The following SOCS7 variants were observed in gnomAD, a reference collection of about 807,000 sequenced individuals.
The protein encoded by SOCS7 is NAP-4.
Under a neutral mutation model 58.9 loss-of-function variants are expected in SOCS7, and 18 were observed. The ratio of observed to expected loss-of-function variants is 0.31; its 90% CI spans 0.21 to 0.45. SOCS7 has a LOEUF of 0.45. Ranked by LOEUF, SOCS7 falls within the 20% of genes least tolerant of loss-of-function variation. SOCS7 has a pLI of 1.00. For missense variants in SOCS7, 667 were observed against 837.3 expected, an observed-to-expected ratio of 0.80 and a Z score of 2.51; for synonymous variants, 388 against 364.3, an observed-to-expected ratio of 1.06 and a Z score of -0.74.
In SOCS7 at chr17:38,396,639, C is replaced by T. The variant is rs2038248608; in HGVS notation, c.*30+641C>T. Reference sequence around the variant, plus strand: ...TTACACAGTTCTACCCATTTATTTTCCCATAAAACATCTTGCAATACTGGT... The same window carrying T: ...TTACACAGTTCTACCCATTTATTTTTCCATAAAACATCTTGCAATACTGGT... On this transcript the variant is annotated intron_variant, in intron 9 of 9. Transcript: ENST00000612932. Among the ~76,000 whole-genome samples the T allele has an allele frequency of 1.3e-5, 2 of 152,186 alleles. 1 individual carries two copies. Among genetic ancestry groups the T allele is most frequent in the South Asian group, 4.1e-4 (2 of 4,834 alleles).
At position 38,366,344 on chromosome 17, in the gene SOCS7, C is replaced by T. The variant is rs373112910; in HGVS notation, c.1310C>T (p.Pro437Leu). ...RAAESLHSQP[P>L]QHLQCPLYRP... The stretch of plus-strand genomic sequence containing the variant: ...GCTGAATCCCTGCACAGCCAACCCC[C>T]ACAGCACCTCCAGTGTCCCCTCTAC... Residue 437 changes from proline (P) to leucine (L), a missense_variant, in exon 5 of 10, where the codon CCA (proline) becomes CTA (leucine). This residue lies in a region of SOCS7 where 99 missense variants were observed against 122.9 expected (regional missense o/e 0.81). Transcript: ENST00000612932. 1.2e-6 allele frequency: 2 copies of T among 1,614,214 alleles called. No homozygotes were observed. The highest frequency in any genetic ancestry group is 1.1e-5 in the South Asian group (1 of 91,088).
At chr17:38,356,530 A>G (rs2037640508) in intron 1 of SOCS7, among the ~76,000 whole-genome samples, 1 of 151,528 alleles carries the variant, frequency 6.6e-6, no homozygotes, top group Non-Finnish European at 1.5e-5. Context: ...ACGCCTGGCT[A>G]ATTTTTTGTA....
intron 7 of SOCS7, among the ~76,000 whole-genome samples, chr17:38,381,970 A>G (rs1390321493): frequency 2.0e-5 from 3 of 149,514 alleles, no homozygotes; most frequent in African/African-American, 5.0e-5. Context: ...AAAAAAAAAA[A>G]AAAACCTAAA....
chr17:38,382,786 G>A (rs113434585), intron 7 of SOCS7, among the ~76,000 whole-genome samples: 3,283 of 151,978 alleles, frequency 0.022, 125 homozygotes, highest in African/African-American at 0.075. Flanking sequence ...CACGCTTGGC[G>A]GAATTGGACA....
intron 6 of SOCS7, among the ~76,000 whole-genome samples, chr17:38,370,649 G>A (rs1033277257): frequency 2.0e-5 from 3 of 151,086 alleles, no homozygotes; most frequent in South Asian, 4.2e-4. Context: ...CCTATAACCG[G>A]AATTTTTTTT....
At chr17:38,374,309 G>A (rs113626822) in intron 6 of SOCS7, among the ~76,000 whole-genome samples, 1 of 152,072 alleles carries the variant, frequency 6.6e-6, no homozygotes, top group African/African-American at 2.4e-5. Flanking sequence ...AGGCCAAGGC[G>A]GGCAGATCAC....
chr17:38,364,861 A>G lies in SOCS7; in HGVS notation c.1150+5A>G, dbSNP rs1167497913. On this transcript the variant is annotated splice_donor_5th_base_variant and intron_variant, in intron 3 of 9. Transcript: ENST00000612932. The stretch of plus-strand genomic sequence containing the variant: ...GAAGAAGCCTCAGCCTCCTAGGTAT[A>G]GTTTCTTCCCCTCTCCACCTTCTTG... 1.2e-6 allele frequency: 2 copies of G among 1,607,236 alleles called. No individual in the cohort carries two copies. The highest frequency in any genetic ancestry group is 8.5e-7 in the Non-Finnish European group (1 of 1,174,558).
At chr17:38,398,686 C>CA (rs1202368590) in intron 9 of SOCS7, among the ~76,000 whole-genome samples, 1 of 152,158 alleles carries the variant, frequency 6.6e-6, no homozygotes, top group Admixed American at 6.5e-5. Flanking sequence ...GGTTTGGAGT[C>CA]AGACTATAGA....
At chr17:38,373,245 G>A (rs2037890705) in intron 6 of SOCS7, among the ~76,000 whole-genome samples, 5 of 152,312 alleles carry the variant, frequency 3.3e-5, no homozygotes, top group African/African-American at 1.2e-4. Context: ...GGCAATGGAT[G>A]GTTTGATAAT....
At chr17:38,364,898 G>T in intron 3 of SOCS7, 42 bp downstream of exon 3, 2 of 1,491,094 alleles carry the variant, frequency 1.3e-6, no homozygotes, top group Non-Finnish European at 1.9e-6. Flanking sequence ...CTAGTGGGAG[G>T]GTGAGCTCCA....
At chr17:38,366,226 G>T in intron 4 of SOCS7, 61 bp from the exon 5 acceptor site, 6 of 1,589,274 alleles carry the variant, frequency 3.8e-6, no homozygotes, top group Admixed American at 1.7e-5. Context: ...TTGGGGGAGG[G>T]TCTATTTGTG....
chr17:38,384,654 C>T (rs988875215), intron 7 of SOCS7, among the ~76,000 whole-genome samples: 3 of 151,732 alleles, frequency 2.0e-5, no homozygotes, highest in Non-Finnish European at 2.9e-5. Context: ...TGCAGTGGTG[C>T]GATCTCGGCT....
chr17:38,357,109 A>C (rs1346380085), intron 1 of SOCS7, among the ~76,000 whole-genome samples: 1 of 152,186 alleles, frequency 6.6e-6, no homozygotes, highest in African/African-American at 2.4e-5. Flanking sequence ...GGGGAAAAAA[A>C]CAAAATATAG....
chr17:38,356,489 C>T (rs866639476), intron 1 of SOCS7, among the ~76,000 whole-genome samples: 3 of 151,886 alleles, frequency 2.0e-5, no homozygotes, highest in Middle Eastern at 3.4e-3. Context: ...GCCATTCTCC[C>T]GAATAGCTGG....
At chr17:38,377,956 G>A (rs1333965212) in intron 7 of SOCS7, 114 bp downstream of exon 7, 1 of 928,418 alleles carries the variant, frequency 1.1e-6, no homozygotes, top group African/African-American at 1.7e-5. Context: ...CCTGGCTGTT[G>A]GAGCCACCAC....
intron 6 of SOCS7, among the ~76,000 whole-genome samples, chr17:38,369,749 C>T (rs1175901139): frequency 6.8e-6 from 1 of 146,260 alleles, no homozygotes; most frequent in African/African-American, 2.5e-5. Flanking sequence ...GATCTCGGCT[C>T]ATTGCAGCCT....
intron 7 of SOCS7, among the ~76,000 whole-genome samples, chr17:38,382,158 G>A (rs2038011685): frequency 6.6e-6 from 1 of 151,604 alleles, no homozygotes; most frequent in Non-Finnish European, 1.5e-5. Context: ...ATCAGGCTTG[G>A]TGGCTCACAT....
intron 7 of SOCS7, among the ~76,000 whole-genome samples, chr17:38,380,852 C>T (rs1805141302): frequency 6.6e-6 from 1 of 151,938 alleles, no homozygotes; most frequent in South Asian, 2.1e-4. Context: ...GAGGGAGACT[C>T]TGTCTCCAAA....
chr17:38,373,201 A>C (rs2037890301), intron 6 of SOCS7, among the ~76,000 whole-genome samples: 2 of 152,226 alleles, frequency 1.3e-5, no homozygotes, highest in African/African-American at 4.8e-5. Flanking sequence ...AGCAAGAGGA[A>C]AGTGAAAAAA....
Sources: gnomAD v4.1 joint callset for allele counts (sites outside exome capture counted in the v4.1 genomes callset) on GRCh38, gnomAD v4.1.1 for gene constraint, gnomAD v4.1.1 regional missense constraint, MANE v1.5 for transcripts, NCBI Gene and HGNC (gene_info 2026-07-23, HGNC 2026-07-21) for gene names.